Variants in SH3RF2 observed in about 807,000 individuals in gnomAD.
SH3RF2 encodes SH3 domain containing ring finger 2, also known as E3 ubiquitin-protein ligase SH3RF2.
A neutral mutation model predicts 59.0 loss-of-function variants in SH3RF2; 43 were observed. That is an observed-to-expected ratio of 0.73 (90% CI 0.57 to 0.94). SH3RF2 has a LOEUF of 0.94. Among genes scored for constraint, SH3RF2 ranks in the 40% least tolerant of loss-of-function variants. The pLI, the probability that SH3RF2 is intolerant of heterozygous loss-of-function variation, is 0.00. For synonymous variants in SH3RF2, 391 were observed against 391.5 expected, an observed-to-expected ratio of 1.00 and a Z score of 0.01; for missense variants, 930 against 940.1, an observed-to-expected ratio of 0.99 and a Z score of 0.14.
downstream of SH3RF2, among the ~76,000 whole-genome samples, chr5:146,064,864 G>GAAAAGAAAGAAAGAA (rs59357428): frequency 2.9e-5 from 2 of 69,092 alleles, no homozygotes; most frequent in African/African-American, 1.1e-4. Context: ...AAGAAAGAAA[G>GAAAAGAAAGAAAGAA]AGAAAGAAAA....
Position 146,049,355 on chromosome 5 carries a change from G to T in SH3RF2, c.1322+110G>T, listed in dbSNP as rs995771260. On this transcript the variant is annotated intron_variant, in intron 7 of 9. Coordinates refer to ENST00000359120, the MANE Select transcript of SH3RF2 (RefSeq NM_152550.4). ...AGTGCTCTTTCAGAAAACAGGCCAA[G>T]AAAGCGCTTTTTGCTCTATAACCCG... 10 of 1,318,328 alleles carry T rather than the reference G, an allele frequency of 7.6e-6. No individual in the cohort carries two copies. The African/African-American group carries it at 1.5e-4, about 20-fold the overall frequency. 81.7% of individuals were successfully genotyped at this position (1,318,328 alleles called of 1,614,324 possible). A position where few individuals can be genotyped will look rare whatever the true frequency, so the allele number is the denominator to read the frequency against.
chr5:145,969,787 G>T (rs116236901), intron 2 of SH3RF2, among the ~76,000 whole-genome samples: 1,758 of 152,022 alleles, frequency 0.012, 35 homozygotes, highest in African/African-American at 0.041. Flanking sequence ...TTTTGAAAAG[G>T]GGATCCAAGC....
At chr5:145,944,131 T>A (rs1447112958) in intron 2 of SH3RF2, among the ~76,000 whole-genome samples, 1 of 152,108 alleles carries the variant, frequency 6.6e-6, no homozygotes, top group East Asian at 1.9e-4. Context: ...TGCTCCAAAA[T>A]CCAACACTTT....
intron 2 of SH3RF2, among the ~76,000 whole-genome samples, chr5:145,941,585 T>C (rs184426274): frequency 1.3e-5 from 2 of 152,344 alleles, no homozygotes; most frequent in African/African-American, 4.8e-5. Flanking sequence ...GAATAGCTGA[T>C]CTCTCTTCTT....
chr5:146,064,783 G>A (rs1228816373), downstream of SH3RF2, among the ~76,000 whole-genome samples: 150 of 16,812 alleles, frequency 8.9e-3, 16 homozygotes, highest in African/African-American at 0.032. Context: ...AGGAAAGGAA[G>A]GAAGGAAGGA....
chr5:145,989,070 C>G (rs11955286), intron 2 of SH3RF2, among the ~76,000 whole-genome samples: 2,883 of 152,302 alleles, frequency 0.019, 90 homozygotes, highest in African/African-American at 0.064. Flanking sequence ...TTACATTTCC[C>G]TTGCCCAGCA....
chr5:146,074,822 C>T (rs1255311142), intron 9 of SH3RF2, among the ~76,000 whole-genome samples: 2 of 152,040 alleles, frequency 1.3e-5, no homozygotes, highest in Non-Finnish European at 2.9e-5. Context: ...CTCACTCCCC[C>T]AACCTTTCTC....
chr5:146,014,085 A>G, intron 5 of SH3RF2, 24 bp downstream of exon 5: 1 of 1,606,620 alleles, frequency 6.2e-7, no homozygotes, highest in Non-Finnish European at 8.5e-7. Context: ...GCCTGGGATG[A>G]GGGCACTTTG....
At chr5:145,972,494 G>A (rs576719675) in intron 2 of SH3RF2, among the ~76,000 whole-genome samples, 16 of 152,202 alleles carry the variant, frequency 1.1e-4, no homozygotes, top group Admixed American at 8.5e-4. Context: ...TTGCCCACTC[G>A]TAGTACTTGC....
chr5:146,035,247 A>C (rs143438586), intron 5 of SH3RF2, among the ~76,000 whole-genome samples: 1 of 152,356 alleles, frequency 6.6e-6, no homozygotes, highest in African/African-American at 2.4e-5. Context: ...AGAGACAACA[A>C]ACACATGGCA....
chr5:146,046,676 A>C (rs1762315146), intron 5 of SH3RF2, among the ~76,000 whole-genome samples: 1 of 152,214 alleles, frequency 6.6e-6, no homozygotes, highest in Non-Finnish European at 1.5e-5. Context: ...TCTAGCAAGG[A>C]AACACTCATA....
intron 5 of SH3RF2, chr5:146,042,896 T>C (rs1762176242): frequency 6.6e-6 from 1 of 152,266 alleles, no homozygotes; most frequent in African/African-American, 2.4e-5. Context: ...CCGATCTGGC[T>C]CAGGACTCGG....
Position 146,076,908 on chromosome 5 carries a change from A to G in SH3RF2, c.*34-1552A>G, listed in dbSNP as rs914156784. 5.3e-5 allele frequency among the ~76,000 whole-genome samples: 8 copies of G among 152,312 alleles called. 1 individual carries two copies. In the East Asian group the frequency reaches 9.6e-4, roughly 18 times the overall value. On this transcript the variant is annotated intron_variant, in intron 9 of 9. Coordinates refer to the SH3RF2 transcript ENST00000511217. Reference sequence around the variant, plus strand: ...TCTGACTGTTCCACACCACCCCCACAAAGAATGAGGCTGTGATCATTATTA... The same window carrying G: ...TCTGACTGTTCCACACCACCCCCACGAAGAATGAGGCTGTGATCATTATTA...
chr5:145,963,677 A>G (rs1019322414), intron 2 of SH3RF2, among the ~76,000 whole-genome samples: 2 of 152,114 alleles, frequency 1.3e-5, no homozygotes, highest in African/African-American at 2.4e-5. Flanking sequence ...TCCTCCCATC[A>G]TCATTTATAA....
intron 2 of SH3RF2, among the ~76,000 whole-genome samples, chr5:145,939,827 ACCTT>A (rs2149937158): frequency 6.6e-6 from 1 of 152,176 alleles, no homozygotes; most frequent in African/African-American, 2.4e-5. Flanking sequence ...TCCCTTCCCC[ACCTT>A]GCAGAAGTCT....
chr5:146,060,052 C>T lies in SH3RF2; in HGVS notation c.1742C>T (p.Ala581Val). The T allele has an allele frequency of 1.2e-6, 2 of 1,613,760 alleles. No homozygotes were observed. The change falls in exon 9 of 10, where the codon GCC becomes GTC. Residue 581 changes from alanine (A) to valine (V), a missense_variant. Physicochemically the swap from Ala to Val is moderately conservative, Grantham distance 64. Transcript: ENST00000359120. Reference protein sequence around the residue: ...GSKPALTGEPALTCISRGSEA... With the variant: ...GSKPALTGEPVLTCISRGSEA... ...AAGCCTGCCCTCACGGGGGAGCCCG[C>T]CCTCACGTGCATCAGCAGGGGCAGT...
At chr5:146,031,984 G>A (rs1478678123) in intron 5 of SH3RF2, among the ~76,000 whole-genome samples, 1 of 152,184 alleles carries the variant, frequency 6.6e-6, no homozygotes, top group African/African-American at 2.4e-5. Context: ...GTTGGGTTTG[G>A]ATGAACTTCA....
Position 146,049,059 on chromosome 5 carries a change from C to A in SH3RF2, c.1152-16C>A, listed in dbSNP as rs775982236. 8 of 1,613,810 alleles carry A rather than the reference C, an allele frequency of 5.0e-6. No homozygotes were observed. Among genetic ancestry groups the A allele is most frequent in the African/African-American group, 1.3e-5 (1 of 74,892 alleles). ...CGTCTTCCTTCCTCCCTCACCAGTT[C>A]TCTGTGTCTTCCCAGGTTTGTAGCC... On this transcript the variant is annotated splice_polypyrimidine_tract_variant and intron_variant, in intron 6 of 9. Transcript: ENST00000359120.
intron 5 of SH3RF2, among the ~76,000 whole-genome samples, chr5:146,017,028 C>T (rs1432004544): frequency 6.6e-6 from 1 of 152,156 alleles, no homozygotes; most frequent in Non-Finnish European, 1.5e-5. Context: ...CAAGGGGTAG[C>T]ATTTTCTTCC....
Sources: gnomAD v4.1 joint callset for allele counts (sites outside exome capture counted in the v4.1 genomes callset) on GRCh38, gnomAD v4.1.1 for gene constraint, MANE v1.5 for transcripts, NCBI Gene and HGNC (gene_info 2026-07-23, HGNC 2026-07-21) for gene names.